The following EIF3L variants were observed in gnomAD, a reference collection of about 807,000 sequenced individuals.
The protein encoded by EIF3L is eukaryotic translation initiation factor 3 subunit L.
Under a neutral mutation model 74.6 loss-of-function variants are expected in EIF3L, and 32 were observed. That is an observed-to-expected ratio of 0.43 (90% confidence interval 0.32 to 0.58). EIF3L has a LOEUF of 0.58. EIF3L is among the 20% of genes least tolerant of loss of function. The probability of loss-of-function intolerance (pLI) is 0.06; values close to 1 mark genes in which losing one functional copy is unlikely to be tolerated. For missense variants in EIF3L, 474 were observed against 707.8 expected (o/e 0.67, Z 3.75); for synonymous variants, 256 against 254.4 (o/e 1.01, Z -0.06).
chr22:37,886,663 C>T, intron 11 of EIF3L, 102 bp from the exon 12 acceptor site: 1 of 884,492 alleles, frequency 1.1e-6, no homozygotes, highest in Non-Finnish European at 1.8e-6. Flanking sequence ...TTACATCTAA[C>T]ACTCACCATC....
At chr22:37,863,790 G>A (rs1319075310) in intron 7 of EIF3L, among the ~76,000 whole-genome samples, 1 of 152,034 alleles carries the variant, frequency 6.6e-6, no homozygotes, top group Non-Finnish European at 1.5e-5. Context: ...GTCAGGCCGG[G>A]CGCGGTGACT....
intron 3 of EIF3L, among the ~76,000 whole-genome samples, chr22:37,852,595 A>G (rs556154694): frequency 7.2e-5 from 11 of 152,246 alleles, no homozygotes; most frequent in Admixed American, 4.6e-4. Context: ...CTATTGATCA[A>G]TGAATAGGAT....
At chr22:37,878,322 A>G (rs1926861696) in intron 11 of EIF3L, 151 bp downstream of exon 11, 1 of 983,010 alleles carries the variant, frequency 1.0e-6, no homozygotes, top group African/African-American at 1.6e-5. Flanking sequence ...TCATGCCAGT[A>G]ATACTAGTAC....
Position 37,877,328 on chromosome 22 carries a change from G to C in EIF3L, c.1078-346G>C, listed in dbSNP as rs1569121718. The C allele has an allele frequency of 2.6e-5, 6 of 234,596 alleles. No homozygotes were observed. The East Asian group carries it at 5.2e-4, about 20-fold the overall frequency. 14.5% of individuals were successfully genotyped at this position (234,596 alleles called of 1,614,324 possible). ...CTGTTGCACGGCACATTACTATTTA[G>C]TCTATATTTCTGTCGTCATCAAGGT... On this transcript the variant is annotated intron_variant, in intron 10 of 12. Coordinates refer to ENST00000652021, the MANE Select transcript of EIF3L (RefSeq NM_016091.4).
rs529455723 is a variant in EIF3L at position 37,871,756 on chromosome 22, C to T, written c.751+1409C>T. On this transcript the variant is annotated intron_variant, in intron 8 of 12. Transcript: ENST00000652021. ...TGGTGGTGGGCACCTGTAATCCCAT[C>T]TACTTGGGAGGCTGAGGCAGGAGAA... 3.3e-5 allele frequency among the ~76,000 whole-genome samples: 5 copies of T among 151,400 alleles called. No individual in the cohort carries two copies. The East Asian group carries it at 9.8e-4, about 30-fold the overall frequency.
intron 7 of EIF3L, among the ~76,000 whole-genome samples, chr22:37,868,507 G>A (rs1926289175): frequency 6.6e-6 from 1 of 151,594 alleles, no homozygotes; most frequent in Admixed American, 6.6e-5. Flanking sequence ...AGGCTGGAGT[G>A]CAGTGGCGTG....
chr22:37,857,519 T>G (rs757624279), intron 4 of EIF3L, among the ~76,000 whole-genome samples: 14 of 152,076 alleles, frequency 9.2e-5, no homozygotes, highest in Non-Finnish European at 1.8e-4. Context: ...TAGCTAACGT[T>G]TTTTTGAACA....
intron 5 of EIF3L, among the ~76,000 whole-genome samples, chr22:37,859,359 G>C (rs1925715920): frequency 7.4e-6 from 1 of 134,334 alleles, no homozygotes; most frequent in Non-Finnish European, 1.5e-5. Flanking sequence ...CTAAATTATA[G>C]AGTACGTGAA....
At chr22:37,867,210 A>C (rs1926196996) in intron 7 of EIF3L, among the ~76,000 whole-genome samples, 3 of 152,048 alleles carry the variant, frequency 2.0e-5, no homozygotes. Context: ...AATTTGTTGC[A>C]GAGATGGGGT....
intron 10 of EIF3L, 157 bp from the exon 11 acceptor site, chr22:37,877,517 G>A (rs2145835175): frequency 1.2e-6 from 1 of 849,328 alleles, no homozygotes; most frequent in African/African-American, 1.7e-5. Context: ...TAGATCTAGA[G>A]GGAGGATTGG....
intron 3 of EIF3L, among the ~76,000 whole-genome samples, chr22:37,854,637 T>C (rs1014001771): frequency 6.6e-6 from 1 of 152,140 alleles, no homozygotes; most frequent in African/African-American, 2.4e-5. Context: ...CTGGCTAATT[T>C]TGTATTTTTA....
At chr22:37,851,599 G>A (rs1377397538) in intron 3 of EIF3L, 109 bp downstream of exon 3, 1 of 636,472 alleles carries the variant, frequency 1.6e-6, no homozygotes, top group Non-Finnish European at 2.8e-6. Context: ...GGGGGGTTGG[G>A]GGGTGGGGGT....
chr22:37,881,893 AC>A (rs1257280907), intron 11 of EIF3L: 1 of 152,214 alleles, frequency 6.6e-6, no homozygotes, highest in Non-Finnish European at 1.5e-5. Flanking sequence ...TGGGCCAGGT[AC>A]AGTGGCTTAT....
In EIF3L at chr22:37,874,359, G is replaced by C; in HGVS notation, c.752-11G>C. On this transcript the variant is annotated splice_polypyrimidine_tract_variant and intron_variant, in intron 8 of 12. Coordinates refer to ENST00000652021, the MANE Select transcript of EIF3L (RefSeq NM_016091.4). The stretch of plus-strand genomic sequence containing the variant: ...CCTCCTATCAGTATTCACGGTGTCT[G>C]TCTCTTTCAGGTGACCCTGAGAGTG... 6.2e-7 allele frequency: 1 copy of C among 1,613,016 alleles called. No homozygotes were observed. Among genetic ancestry groups the C allele is most frequent in the Non-Finnish European group, 8.5e-7 (1 of 1,179,368 alleles).
chr22:37,870,171 A>G lies in EIF3L; in HGVS notation c.580-5A>G, dbSNP rs759829941. 8.2e-6 allele frequency: 13 copies of G among 1,589,230 alleles called. No homozygotes were observed. In the African/African-American group the frequency reaches 1.5e-4, roughly 18 times the overall value. On this transcript the variant is annotated splice_polypyrimidine_tract_variant and splice_region_variant and intron_variant, in intron 7 of 12. Coordinates refer to ENST00000652021, the MANE Select transcript of EIF3L (RefSeq NM_016091.4). ...CTACTGCATGTTTCTTTTCTTCCTCAACAGTTTCAGTCATTCAGTCAGTAC... is the reference window on the plus strand; with the variant it reads ...CTACTGCATGTTTCTTTTCTTCCTCGACAGTTTCAGTCATTCAGTCAGTAC...
chr22:37,858,816 A>C, intron 5 of EIF3L, 76 bp downstream of exon 5: 1 of 1,324,796 alleles, frequency 7.5e-7, no homozygotes, highest in South Asian at 1.3e-5. Context: ...CCTAGAACAC[A>C]GTCATTTGTT....
chr22:37,871,838 C>T (rs1376092404), intron 8 of EIF3L, among the ~76,000 whole-genome samples: 1 of 131,224 alleles, frequency 7.6e-6, no homozygotes, highest in Non-Finnish European at 1.5e-5. Flanking sequence ...CACTGCACTA[C>T]AGTCTTAGTG....
intron 9 of EIF3L, among the ~76,000 whole-genome samples, chr22:37,874,895 A>ATTTTTTTTTTTTTT (rs35994639): frequency 4.4e-5 from 5 of 113,490 alleles, no homozygotes; most frequent in Non-Finnish European, 5.4e-5. Flanking sequence ...TGCCCAGCTA[A>ATTTTTTTTTTTTTT]TTTTTTTTTT....
chr22:37,873,594 ATGTAT>A (rs1382520778), intron 8 of EIF3L, among the ~76,000 whole-genome samples: 9 of 152,056 alleles, frequency 5.9e-5, no homozygotes. Flanking sequence ...CTCCCGACCT[ATGTAT>A]CAGTTGTTTT....
Sources: allele counts gnomAD v4.1 joint callset (sites outside exome capture counted in the v4.1 genomes callset), GRCh38; gene constraint gnomAD v4.1.1; transcripts MANE v1.5; gene names NCBI Gene and HGNC (gene_info 2026-07-23, HGNC 2026-07-21).